DENND1B: variants seen among roughly 807,000 people sequenced by gnomAD.
DENND1B encodes the protein DENN domain containing 1B, also known as DENN domain-containing protein 1B.
In DENND1B, 59 loss-of-function variants were observed where a neutral mutation model predicts 90.1. The ratio of observed to expected loss-of-function variants is 0.65; its 90% CI spans 0.53 to 0.81. The LOEUF is 0.81. Among genes scored for constraint, DENND1B ranks in the 40% least tolerant of loss-of-function variants. The pLI, the probability that DENND1B is intolerant of heterozygous loss-of-function variation, is 0.00. For missense variants in DENND1B, 862 were observed against 912.6 expected, an observed-to-expected ratio of 0.94 and a Z score of 0.71; for synonymous variants, 337 against 324.6, an observed-to-expected ratio of 1.04 and a Z score of -0.41.
At chr1:197,739,228 G>A (rs1431535964) in intron 2 of DENND1B, among the ~76,000 whole-genome samples, 5 of 152,194 alleles carry the variant, frequency 3.3e-5, no homozygotes, top group African/African-American at 1.2e-4. Context: ...CCTTAGCAGT[G>A]GGACAAAATC....
intron 20 of DENND1B, among the ~76,000 whole-genome samples, chr1:197,527,072 T>C (rs1669186161): frequency 1.3e-5 from 2 of 152,132 alleles, no homozygotes; most frequent in African/African-American, 4.8e-5. Context: ...AAGAGAAAAA[T>C]AACTTTCTGT....
At chr1:197,723,886 CATT>C (rs1332900487) in intron 2 of DENND1B, among the ~76,000 whole-genome samples, 3 of 152,154 alleles carry the variant, frequency 2.0e-5, no homozygotes, top group South Asian at 2.1e-4. Flanking sequence ...TCACAACACT[CATT>C]ATACTTAACT....
chr1:197,623,583 AATTT>A (rs1678370673), intron 10 of DENND1B, among the ~76,000 whole-genome samples: 1 of 151,540 alleles, frequency 6.6e-6, no homozygotes, highest in Admixed American at 6.6e-5. Flanking sequence ...TTAAAAATAG[AATTT>A]ATTTCTTAGA....
At chr1:197,683,994 A>C (rs1169902897) in intron 3 of DENND1B, among the ~76,000 whole-genome samples, 2 of 152,212 alleles carry the variant, frequency 1.3e-5, no homozygotes, top group Non-Finnish European at 2.9e-5. Context: ...CTAGGGCCTA[A>C]TCAGTGCCTG....
chr1:197,524,320 A>G (rs1009209785), intron 20 of DENND1B, among the ~76,000 whole-genome samples: 1 of 152,154 alleles, frequency 6.6e-6, no homozygotes, highest in African/African-American at 2.4e-5. Flanking sequence ...GGAAGAACAA[A>G]TTCTGTCACT....
chr1:197,757,000 T>TAC (rs1654395618), intron 2 of DENND1B, among the ~76,000 whole-genome samples: 3 of 150,572 alleles, frequency 2.0e-5, no homozygotes, highest in Non-Finnish European at 3.0e-5. Flanking sequence ...TATATATATA[T>TAC]ACACACTATA....
At chr1:197,771,304 T>G (rs1022996051) in intron 2 of DENND1B, among the ~76,000 whole-genome samples, 2 of 152,366 alleles carry the variant, frequency 1.3e-5, no homozygotes, top group Middle Eastern at 3.4e-3. Flanking sequence ...TAAACCACTA[T>G]AGAATAGAAT....
intron 2 of DENND1B, among the ~76,000 whole-genome samples, chr1:197,751,821 G>A (rs1051690967): frequency 4.1e-5 from 6 of 145,184 alleles, no homozygotes; most frequent in African/African-American, 1.5e-4. Context: ...TCCAGCCTGG[G>A]AAACAGAGAC....
At chr1:197,659,008 C>A (rs1282019144) in intron 5 of DENND1B, among the ~76,000 whole-genome samples, 2 of 150,662 alleles carry the variant, frequency 1.3e-5, no homozygotes, top group Non-Finnish European at 1.5e-5. Flanking sequence ...AAAACAAAAT[C>A]TATATTCCTT....
At chr1:197,735,701 C>T in intron 2 of DENND1B, 7 of 1,613,902 alleles carry the variant, frequency 4.3e-6, no homozygotes, top group Non-Finnish European at 5.1e-6. Context: ...GGCGCTACGC[C>T]AGGACCGACA....
chr1:197,563,927 G>C (rs1672391893), intron 15 of DENND1B, among the ~76,000 whole-genome samples: 1 of 151,936 alleles, frequency 6.6e-6, no homozygotes, highest in Non-Finnish European at 1.5e-5. Flanking sequence ...CTTCTTCGAG[G>C]AAGTAACTGC....
chr1:197,760,982 A>G (rs114849732), intron 2 of DENND1B, among the ~76,000 whole-genome samples: 2,817 of 152,276 alleles, frequency 0.018, 31 homozygotes, highest in Non-Finnish European at 0.031. Flanking sequence ...TTTGTACGTA[A>G]CAGTTCTTAG....
chr1:197,545,580 T>C (rs1670751665), intron 18 of DENND1B: 1 of 197,776 alleles, frequency 5.1e-6, no homozygotes, highest in African/African-American at 2.4e-5. Context: ...TTTTTTCTAC[T>C]TGAGCCGCAA....
At chr1:197,522,034 CCAG>C (rs1224504596) in intron 20 of DENND1B, among the ~76,000 whole-genome samples, 25 of 151,668 alleles carry the variant, frequency 1.6e-4, no homozygotes, top group Non-Finnish European at 3.2e-4. Context: ...CCAGAGAGAC[CCAG>C]AAGAAATAAA....
intron 2 of DENND1B, among the ~76,000 whole-genome samples, chr1:197,730,316 T>C (rs1571531395): frequency 6.6e-6 from 1 of 152,128 alleles, no homozygotes; most frequent in Non-Finnish European, 1.5e-5. Context: ...AAAGACAGAC[T>C]ATAAAAGGAC....
chr1:197,722,126 GT>G (rs2102276984), intron 2 of DENND1B, among the ~76,000 whole-genome samples: 1 of 152,090 alleles, frequency 6.6e-6, no homozygotes, highest in East Asian at 1.9e-4. Flanking sequence ...TAAGCAATTA[GT>G]TCCAATATGG....
At chr1:197,763,799 G>A (rs1209226137) in intron 2 of DENND1B, among the ~76,000 whole-genome samples, 2 of 152,034 alleles carry the variant, frequency 1.3e-5, no homozygotes, top group East Asian at 1.9e-4. Flanking sequence ...TGCCTTCTTC[G>A]TACTTCAGTG....
In DENND1B at chr1:197,511,936, G is replaced by A; in HGVS notation, c.1607C>T (p.Ser536Phe). The A allele has an allele frequency of 6.2e-7, 1 of 1,600,634 alleles. No homozygotes were observed. The highest frequency in any genetic ancestry group is 1.1e-5 in the South Asian group (1 of 88,408). Reference sequence around the variant, plus strand: ...AGCAGAAGCTTCTTCACCATCTTCAGAAGATAACCTGAAGAAAAATAAAAC... The same window carrying A: ...AGCAGAAGCTTCTTCACCATCTTCAAAAGATAACCTGAAGAAAAATAAAAC... ...DDIERASKLS[S>F]EDGEEASAYL... Residue 536 changes from serine to phenylalanine, a missense_variant, in exon 22 of 23, where the codon TCT (serine) becomes TTT (phenylalanine). By Grantham distance (155) the Ser-to-Phe change is radical. Coordinates refer to ENST00000620048, the MANE Select transcript of DENND1B (RefSeq NM_001195215.2).
intron 15 of DENND1B, among the ~76,000 whole-genome samples, chr1:197,561,890 T>A (rs1672199453): frequency 6.6e-6 from 1 of 151,808 alleles, no homozygotes; most frequent in Admixed American, 6.6e-5. Flanking sequence ...CCAAATCTCA[T>A]CATATCTTCA....
Sources: allele counts gnomAD v4.1 joint callset (sites outside exome capture counted in the v4.1 genomes callset), GRCh38; gene constraint gnomAD v4.1.1; transcripts MANE v1.5; gene names NCBI Gene and HGNC (gene_info 2026-07-23, HGNC 2026-07-21).